The following USP24 variants were observed in gnomAD, a reference collection of about 807,000 sequenced individuals.
USP24 encodes ubiquitin carboxyl-terminal hydrolase 24.
USP24 carries 97 observed loss-of-function variants against 361.6 expected under a neutral mutation model. That is an observed-to-expected ratio of 0.27 (90% confidence interval 0.23 to 0.32). The LOEUF is 0.32. Ranked by LOEUF, USP24 falls within the 10% of genes least tolerant of loss-of-function variation. The pLI, the probability that USP24 is intolerant of heterozygous loss-of-function variation, is 1.00. For synonymous variants in USP24, 1,098 were observed against 1,124.6 expected (o/e 0.98, Z 0.47); for missense variants, 2,353 against 3,165.6 (o/e 0.74, Z 6.16).
At chr1:55,172,547 A>T in intron 3 of USP24, 27 bp from the exon 4 acceptor site, 1 of 1,576,380 alleles carries the variant, frequency 6.3e-7, no homozygotes, top group Non-Finnish European at 8.6e-7. Context: ...GGCAATCTAG[A>T]GTCTAACTTG....
chr1:55,130,482 T>C (rs1272570620), intron 31 of USP24, among the ~76,000 whole-genome samples: 1 of 152,230 alleles, frequency 6.6e-6, no homozygotes, highest in African/African-American at 2.4e-5. Flanking sequence ...AGTCTTAAAC[T>C]AGATGTAGTT....
At chr1:55,163,659 T>C (rs545389282) in intron 7 of USP24, among the ~76,000 whole-genome samples, 109 of 152,218 alleles carry the variant, frequency 7.2e-4, no homozygotes, top group African/African-American at 2.6e-3. Flanking sequence ...GCAAAAAAGC[T>C]TTTTAGAAAG....
chr1:55,083,150 A>T, intron 58 of USP24, 122 bp downstream of exon 58: 1 of 831,398 alleles, frequency 1.2e-6, no homozygotes, highest in Non-Finnish European at 1.8e-6. Flanking sequence ...AGAATTTTCA[A>T]GTCTCTATGG....
In USP24 at chr1:55,123,580, A is replaced by C; in HGVS notation, c.4143T>G (p.Ser1381Arg). ...SSSGSNCSSG[S>R]EGEPVALHAG... The stretch of plus-strand genomic sequence containing the variant: ...CATGCAGGGCTACTGGTTCTCCTTC[A>C]CTTCCAGAGCTGCAATTGCTTCCTG... The change falls in exon 36 of 68, where the codon AGT becomes AGG. Residue 1381 changes from serine (S) to arginine (R), a missense_variant. Physicochemically the swap from Ser to Arg is moderately radical, Grantham distance 110. Transcript: ENST00000294383. 1 of 1,596,714 alleles carries C rather than the reference A, an allele frequency of 6.3e-7. No homozygotes were observed. Among genetic ancestry groups the C allele is most frequent in the Non-Finnish European group, 8.5e-7 (1 of 1,171,292 alleles).
At chr1:55,141,000 TGA>T (rs1433437459) in intron 24 of USP24, among the ~76,000 whole-genome samples, 1 of 152,158 alleles carries the variant, frequency 6.6e-6, no homozygotes, top group African/African-American at 2.4e-5. Flanking sequence ...GCAATGTGAT[TGA>T]GACAATGTCA....
rs150311799 is a variant in USP24 at position 55,135,214 on chromosome 1, G to A, written c.3202-801C>T. 7.2e-3 allele frequency among the ~76,000 whole-genome samples: 1,096 copies of A among 152,116 alleles called. 11 individuals are homozygous for A. Among genetic ancestry groups the A allele is most frequent in the African/African-American group, 0.024 (1,014 of 41,492 alleles). On this transcript the variant is annotated intron_variant, in intron 28 of 67. Transcript: ENST00000294383. ...TGGCCAGGTTGGTCTTGAACTCCTG[G>A]CCTCCAACAATCCTCCTGCCTCAGC...
chr1:55,123,928 G>C (rs1646353504), intron 35 of USP24, among the ~76,000 whole-genome samples: 1 of 152,102 alleles, frequency 6.6e-6, no homozygotes, highest in Non-Finnish European at 1.5e-5. Context: ...TGATGTAGAT[G>C]GGTCATATGC....
At chr1:55,118,375 G>C (rs970921832) in intron 38 of USP24, among the ~76,000 whole-genome samples, 23 of 152,136 alleles carry the variant, frequency 1.5e-4, no homozygotes, top group Admixed American at 1.4e-3. Flanking sequence ...TTTTTAAAAA[G>C]GGGCACTGGG....
Position 55,147,747 on chromosome 1 carries a change from C to T in USP24, c.2020G>A (p.Gly674Arg). 1 of 1,612,818 alleles carries T rather than the reference C, an allele frequency of 6.2e-7. No homozygotes were observed. Among genetic ancestry groups the T allele is most frequent in the Non-Finnish European group, 8.5e-7 (1 of 1,179,328 alleles). Reference sequence around the variant, plus strand: ...AGCCGATGACAAGCGATCAAACTTCCCGTTACCAATTTCACTATTTCAAAA... The same window carrying T: ...AGCCGATGACAAGCGATCAAACTTCTCGTTACCAATTTCACTATTTCAAAA... The part of the protein sequence containing the change: ...KNFEIVKLVT[G>R]SLIACHRLAA... The change falls in exon 18 of 68, where the codon GGA becomes AGA. Residue 674 changes from glycine (G) to arginine (R), a missense_variant. Physicochemically the swap from Gly to Arg is moderately radical, Grantham distance 125. This residue lies in a region of USP24 where 949 missense variants were observed against 1,280.5 expected (regional missense o/e 0.74). Coordinates refer to ENST00000294383, the MANE Select transcript of USP24 (RefSeq NM_015306.3).
chr1:55,086,734 T>C (rs954976987), intron 55 of USP24, among the ~76,000 whole-genome samples: 3 of 152,242 alleles, frequency 2.0e-5, no homozygotes, highest in Non-Finnish European at 2.9e-5. Flanking sequence ...AAATTTATTG[T>C]GAAATGATAT....
chr1:55,165,463 G>A (rs539206038), intron 7 of USP24, among the ~76,000 whole-genome samples: 1 of 151,952 alleles, frequency 6.6e-6, no homozygotes, highest in Admixed American at 6.6e-5. Flanking sequence ...AGAAGTTTTT[G>A]TAACACCAAA....
chr1:55,157,928 C>T (rs1007196941), intron 10 of USP24, among the ~76,000 whole-genome samples: 1 of 151,894 alleles, frequency 6.6e-6, no homozygotes, highest in African/African-American at 2.4e-5. Context: ...CTAACCCAAA[C>T]CTCAATCAGG....
chr1:55,099,594 A>G (rs72911457), intron 45 of USP24, among the ~76,000 whole-genome samples, 177 bp downstream of exon 45: 1,740 of 152,262 alleles, frequency 0.011, 23 homozygotes, highest in African/African-American at 0.038. Flanking sequence ...AAAATATACA[A>G]TTCTATTGAT....
At chr1:55,147,829 A>T in intron 17 of USP24, 31 bp from the exon 18 acceptor site, 1 of 1,605,926 alleles carries the variant, frequency 6.2e-7, no homozygotes, top group South Asian at 1.1e-5. Context: ...GAAAAGTGGT[A>T]ATGAGAATTT....
At chr1:55,123,691 T>A in intron 35 of USP24, 89 bp from the exon 36 acceptor site, 1 of 1,335,750 alleles carries the variant, frequency 7.5e-7, no homozygotes, top group African/African-American at 1.5e-5. Context: ...AGAATCCTCA[T>A]GTGACATTAA....
intron 25 of USP24, 77 bp from the exon 26 acceptor site, chr1:55,138,795 T>C (rs1041896418): frequency 1.5e-6 from 2 of 1,307,950 alleles, no homozygotes; most frequent in Non-Finnish European, 1.1e-6. Flanking sequence ...TATGTATATA[T>C]GATGAATGAA....
intron 38 of USP24, among the ~76,000 whole-genome samples, chr1:55,118,460 A>C (rs1293499659): frequency 2.0e-5 from 3 of 152,244 alleles, no homozygotes; most frequent in Non-Finnish European, 4.4e-5. Context: ...TAAACTCAAA[A>C]TGGATGAAAC....
chr1:55,175,532 G>C (rs1201066979), intron 3 of USP24, among the ~76,000 whole-genome samples: 2 of 152,000 alleles, frequency 1.3e-5, no homozygotes, highest in Non-Finnish European at 2.9e-5. Flanking sequence ...GGCCTTAACT[G>C]GGTCTTAAGA....
Position 55,083,740 on chromosome 1 carries a change from TA to T in USP24, c.6882+31del, listed in dbSNP as rs563630117. On this transcript the variant is annotated intron_variant, in intron 57 of 67. Transcript: ENST00000294383. ...TTTTTAGAGTATAAATCTTCTGTATTAGGAAAAGATATTAGGAAAAAAATTA... is the reference window on the plus strand; with the variant it reads ...TTTTTAGAGTATAAATCTTCTGTATTGGAAAAGATATTAGGAAAAAAATTA... 1,435 of 1,496,780 alleles carry T rather than the reference TA, an allele frequency of 9.6e-4. 11 individuals carry two copies. In the South Asian group the frequency reaches 0.011, roughly 11 times the overall value. 92.7% of individuals were successfully genotyped at this position (1,496,780 alleles called of 1,614,324 possible). A position where few individuals can be genotyped will look rare whatever the true frequency, so the allele number is the denominator to read the frequency against.
Sources: allele counts gnomAD v4.1 joint callset (sites outside exome capture counted in the v4.1 genomes callset), GRCh38; gene constraint gnomAD v4.1.1; regional missense constraint gnomAD v4.1.1; transcripts MANE v1.5; gene names NCBI Gene and HGNC (gene_info 2026-07-23, HGNC 2026-07-21).